ZPBP: variants seen among roughly 807,000 people sequenced by gnomAD.
ZPBP encodes the protein zona pellucida-binding protein 1.
In ZPBP, 26 loss-of-function variants were observed where a neutral mutation model predicts 44.8. The ratio of observed to expected loss-of-function variants is 0.58; its 90% CI spans 0.43 to 0.81. The LOEUF is 0.81. ZPBP is among the 30% of genes least tolerant of loss of function. The pLI is 0.00. For synonymous variants in ZPBP, 174 were observed against 153.2 expected (o/e 1.14, Z -1.00); for missense variants, 409 against 434.0 (o/e 0.94, Z 0.51).
At chr7:49,913,317 A>T (rs1793554425) in intron 1 of ZPBP, 1 of 152,202 alleles carries the variant, frequency 6.6e-6, no homozygotes, top group Non-Finnish European at 1.5e-5. Flanking sequence ...TTTTCTCTTC[A>T]TTTGAACAGA....
At chr7:49,897,000 A>G (rs1274826459) in intron 2 of ZPBP, among the ~76,000 whole-genome samples, 4 of 146,308 alleles carry the variant, frequency 2.7e-5, no homozygotes, top group African/African-American at 1.0e-4. Context: ...GGTTCACGCC[A>G]TTCTCCTGCC....
At chr7:50,050,788 C>CAAAA (rs751875216) in intron 4 of ZPBP, among the ~76,000 whole-genome samples, 22 of 26,830 alleles carry the variant, frequency 8.2e-4, no homozygotes, top group Admixed American at 2.6e-3. Flanking sequence ...GACTCCGTCT[C>CAAAA]AAAAAAAAAA....
At chr7:49,992,018 A>G (rs1797596211) in intron 6 of ZPBP, among the ~76,000 whole-genome samples, 1 of 152,134 alleles carries the variant, frequency 6.6e-6, no homozygotes, top group South Asian at 2.1e-4. Flanking sequence ...TACAAACCTA[A>G]CGATAGCTAT....
chr7:50,032,887 A>G (rs2128812695), intron 4 of ZPBP, among the ~76,000 whole-genome samples: 1 of 152,350 alleles, frequency 6.6e-6, no homozygotes, highest in Admixed American at 6.5e-5. Context: ...AATACACTTA[A>G]GTACAGATTT....
At chr7:50,093,014 T>TG in intron 1 of ZPBP, 54 bp downstream of exon 1, 1 of 1,561,362 alleles carries the variant, frequency 6.4e-7, no homozygotes. Flanking sequence ...ATTCGAAGAG[T>TG]GGGGGAAGCT....
chr7:50,093,080 C>A lies in ZPBP; in HGVS notation c.115G>T (p.Val39Leu), dbSNP rs779492696. ...CGCGGACCCTCACCTGATGAGGGCA[C>A]CCGCACCAGGAAGGCGGAGATAAAG... is the stretch of plus-strand genomic sequence containing the variant. Reference protein sequence around the residue: ...LLFISAFLVRVPSSVGHLVRL... With the variant: ...LLFISAFLVRLPSSVGHLVRL... Residue 39 changes from valine (V) to leucine (L), a missense_variant, in exon 1 of 8, where the codon GTG (valine) becomes TTG (leucine). By Grantham distance (32) the Val-to-Leu change is conservative. Around this residue, in one of 2 missense-constraint regions of ZPBP, gnomAD observed 367 missense variants for 363.1 expected, o/e 1.01. Coordinates refer to ENST00000046087, the MANE Select transcript of ZPBP (RefSeq NM_007009.3). 5 of 1,600,700 alleles carry A rather than the reference C, an allele frequency of 3.1e-6. No individual in the cohort carries two copies. The highest frequency in any genetic ancestry group is 4.3e-6 in the Non-Finnish European group (5 of 1,174,076).
chr7:50,005,509 G>T (rs78081706), intron 6 of ZPBP, among the ~76,000 whole-genome samples: 4,705 of 152,066 alleles, frequency 0.031, 95 homozygotes, highest in Middle Eastern at 0.061. Flanking sequence ...GAGCTATAAA[G>T]GAGTATAGAT....
At chr7:49,989,320 C>T (rs1797458872) in intron 6 of ZPBP, among the ~76,000 whole-genome samples, 2 of 152,142 alleles carry the variant, frequency 1.3e-5, no homozygotes, top group Admixed American at 1.3e-4. Flanking sequence ...CCGGGAACCC[C>T]ATGCTCTAGG....
chr7:49,889,648 TC>T (rs1304273527), intron 2 of ZPBP, among the ~76,000 whole-genome samples: 1 of 152,196 alleles, frequency 6.6e-6, no homozygotes, highest in Non-Finnish European at 1.5e-5. Flanking sequence ...CCCTTTTTGC[TC>T]CTTAAGTTTG....
chr7:50,029,679 C>T (rs1020237168), intron 5 of ZPBP, among the ~76,000 whole-genome samples: 5 of 152,148 alleles, frequency 3.3e-5, no homozygotes, highest in African/African-American at 1.2e-4. Context: ...AACATTTCTC[C>T]AAAGAAGATA....
In ZPBP at chr7:49,976,717, A is replaced by T. The variant is rs148334266; in HGVS notation, c.961+6625T>A. On this transcript the variant is annotated intron_variant, in intron 7 of 7. Coordinates refer to ENST00000046087, the MANE Select transcript of ZPBP (RefSeq NM_007009.3). The stretch of plus-strand genomic sequence containing the variant: ...ATTTTTGTTTTTTAGATTTTGACCC[A>T]CGAAGTCTTCATGATATTGTTAATT... 2.3e-3 allele frequency among the ~76,000 whole-genome samples: 345 copies of T among 152,264 alleles called. 3 individuals carry two copies. Among genetic ancestry groups the T allele is most frequent in the African/African-American group, 7.9e-3 (330 of 41,566 alleles).
At chr7:49,888,064 T>A (rs1424668808) in intron 2 of ZPBP, among the ~76,000 whole-genome samples, 2 of 152,262 alleles carry the variant, frequency 1.3e-5, no homozygotes, top group African/African-American at 2.4e-5. Context: ...ATTGATCATG[T>A]ACATCTCTGT....
chr7:50,023,743 T>G (rs1799199900), intron 5 of ZPBP, among the ~76,000 whole-genome samples: 2 of 151,942 alleles, frequency 1.3e-5, no homozygotes, highest in South Asian at 4.1e-4. Flanking sequence ...TGCTAAGAGT[T>G]CTAATGGAAA....
intron 2 of ZPBP, among the ~76,000 whole-genome samples, chr7:49,892,278 C>G (rs535328714): frequency 5.7e-4 from 86 of 151,996 alleles, no homozygotes; most frequent in Middle Eastern, 3.4e-3. Flanking sequence ...GATCTCCTGA[C>G]CTCGTGATCT....
At chr7:49,849,584 T>C (rs1194210467), downstream of ZPBP, among the ~76,000 whole-genome samples, 1 of 152,364 alleles carries the variant, frequency 6.6e-6, no homozygotes, top group African/African-American at 2.4e-5. Flanking sequence ...TGCCTCTTTT[T>C]GTTTCACAAA....
intron 7 of ZPBP, among the ~76,000 whole-genome samples, chr7:49,967,625 C>T (rs1023299206): frequency 1.3e-5 from 2 of 152,160 alleles, no homozygotes; most frequent in African/African-American, 4.8e-5. Context: ...TGGCTCACTG[C>T]AACCTCCGCC....
rs533563437 is a variant in ZPBP at position 49,969,877 on chromosome 7, A to G, written c.961+13465T>C. Among the ~76,000 whole-genome samples, 23 of 152,068 alleles carry G rather than the reference A, an allele frequency of 1.5e-4. No individual in the cohort carries two copies. The South Asian group carries it at 3.9e-3, about 26-fold the overall frequency. On this transcript the variant is annotated intron_variant, in intron 7 of 7. Coordinates refer to ENST00000046087, the MANE Select transcript of ZPBP (RefSeq NM_007009.3). The stretch of plus-strand genomic sequence containing the variant: ...AAGAGAGAGAGAGACAGAGACAGAG[A>G]CAATGACAGTTTCTCTCTGTCACCC...
chr7:50,053,675 T>C (rs927098170), intron 4 of ZPBP, among the ~76,000 whole-genome samples: 7 of 152,218 alleles, frequency 4.6e-5, no homozygotes, highest in Admixed American at 1.3e-4. Flanking sequence ...AAATTTCTGC[T>C]CTGTAACATC....
chr7:50,004,207 A>G (rs1273541027), intron 6 of ZPBP, among the ~76,000 whole-genome samples: 1 of 152,074 alleles, frequency 6.6e-6, no homozygotes, highest in African/African-American at 2.4e-5. Context: ...AGAAAGTGGG[A>G]TAAGTTTGCT....
Sources: allele counts gnomAD v4.1 joint callset (sites outside exome capture counted in the v4.1 genomes callset), GRCh38; gene constraint gnomAD v4.1.1; regional missense constraint gnomAD v4.1.1; transcripts MANE v1.5; gene names NCBI Gene and HGNC (gene_info 2026-07-23, HGNC 2026-07-21).